Variants in JARID2 observed in about 807,000 individuals in gnomAD.
JARID2 encodes the protein jumonji and AT-rich interaction domain containing 2.
JARID2 carries 21 observed loss-of-function variants against 125.6 expected under a neutral mutation model. The ratio of observed to expected loss-of-function variants is 0.17; its 90% CI spans 0.12 to 0.24. JARID2 has a LOEUF of 0.24. Among genes scored for constraint, JARID2 ranks in the 10% least tolerant of loss-of-function variants. The probability of loss-of-function intolerance (pLI) is 1.00; values close to 1 mark genes in which losing one functional copy is unlikely to be tolerated. For synonymous variants in JARID2, 736 were observed against 661.6 expected (o/e 1.11, Z -1.73); for missense variants, 1,303 against 1,639.6 (o/e 0.79, Z 3.55).
intron 8 of JARID2, among the ~76,000 whole-genome samples, chr6:15,503,641 T>C (rs891915940): frequency 2.0e-5 from 3 of 152,208 alleles, no homozygotes; most frequent in African/African-American, 7.2e-5. Flanking sequence ...TTTTGTGTGT[T>C]TCATGCACTG....
intron 5 of JARID2, among the ~76,000 whole-genome samples, chr6:15,474,032 T>C (rs565675397): frequency 7.9e-5 from 12 of 152,374 alleles, no homozygotes; most frequent in Non-Finnish European, 1.2e-4. Context: ...GCTGGCTAGC[T>C]GTGCTGCCTT....
intron 1 of JARID2, among the ~76,000 whole-genome samples, chr6:15,257,928 G>GTGTT (rs1438867140): frequency 6.6e-6 from 1 of 152,214 alleles, no homozygotes; most frequent in Non-Finnish European, 1.5e-5. Flanking sequence ...AGAACACAAT[G>GTGTT]TGTTATTAGT....
intron 1 of JARID2, among the ~76,000 whole-genome samples, chr6:15,314,183 G>T (rs2127431316): frequency 1.3e-5 from 2 of 152,312 alleles, no homozygotes; most frequent in South Asian, 2.1e-4. Flanking sequence ...TCTGCAGGTT[G>T]CTGTGGCTCC....
At chr6:15,255,621 T>C (rs1414260577) in intron 1 of JARID2, among the ~76,000 whole-genome samples, 1 of 152,024 alleles carries the variant, frequency 6.6e-6, no homozygotes, top group African/African-American at 2.4e-5. Flanking sequence ...TGGTCTGAAG[T>C]GGTAGTGTAT....
chr6:15,248,759 A>G (rs1181773658), intron 1 of JARID2: 7 of 211,282 alleles, frequency 3.3e-5, no homozygotes, highest in Non-Finnish European at 5.7e-5. Context: ...TCACAAAGGG[A>G]CGGGCTCGGG....
At chr6:15,299,249 T>C (rs1333793155) in intron 1 of JARID2, among the ~76,000 whole-genome samples, 1 of 152,194 alleles carries the variant, frequency 6.6e-6, no homozygotes, top group Non-Finnish European at 1.5e-5. Flanking sequence ...GTGTAGTTTT[T>C]GTCCCTGCTG....
chr6:15,278,633 C>A (rs1760630802), intron 1 of JARID2, among the ~76,000 whole-genome samples: 1 of 151,698 alleles, frequency 6.6e-6, no homozygotes, highest in Non-Finnish European at 1.5e-5. Context: ...AATAGTGTAG[C>A]TGGCTGGTGA....
rs751182007 is a variant in JARID2 at position 15,368,618 on chromosome 6, G to A, written c.46-5499G>A. On this transcript the variant is annotated intron_variant, in intron 1 of 17. Coordinates refer to ENST00000341776, the MANE Select transcript of JARID2 (RefSeq NM_004973.4). ...CCAAAAGAGAAGGGTTTGAGAGACC[G>A]TGTCACGTAAGGAATGATTAAAGGA... 1.4e-5 allele frequency: 6 copies of A among 433,182 alleles called. No individual in the cohort carries two copies. The East Asian group carries it at 3.4e-4, about 25-fold the overall frequency. The allele number at this position is 433,182 out of a possible 1,614,324, so 26.8% of individuals were successfully genotyped here.
At chr6:15,429,842 C>G (rs1027927218) in intron 3 of JARID2, among the ~76,000 whole-genome samples, 13 of 152,140 alleles carry the variant, frequency 8.5e-5, no homozygotes, top group Admixed American at 8.5e-4. Context: ...GGTACAGAAA[C>G]TCCACATCTG....
chr6:15,250,278 A>G (rs539992436), intron 1 of JARID2, among the ~76,000 whole-genome samples: 191 of 145,100 alleles, frequency 1.3e-3, no homozygotes, highest in African/African-American at 4.3e-3. Flanking sequence ...AATTACAAAG[A>G]AAAAAGTAGG....
At chr6:15,333,510 G>T (rs1189938906) in intron 1 of JARID2, among the ~76,000 whole-genome samples, 1 of 152,020 alleles carries the variant, frequency 6.6e-6, no homozygotes, top group African/African-American at 2.4e-5. Flanking sequence ...TCCATGTTCC[G>T]TGAATCAGTA....
At chr6:15,336,744 C>T (rs1457526938) in intron 1 of JARID2, among the ~76,000 whole-genome samples, 1 of 150,612 alleles carries the variant, frequency 6.6e-6, no homozygotes, top group East Asian at 2.0e-4. Flanking sequence ...GAGATGAGGT[C>T]TCACCATGCT....
At chr6:15,390,547 G>A (rs1764960662) in intron 2 of JARID2, among the ~76,000 whole-genome samples, 1 of 152,154 alleles carries the variant, frequency 6.6e-6, no homozygotes, top group Non-Finnish European at 1.5e-5. Flanking sequence ...ATCCCTGCTG[G>A]CCGATTTCTT....
At chr6:15,414,943 T>C (rs1394765209) in intron 3 of JARID2, among the ~76,000 whole-genome samples, 1 of 152,244 alleles carries the variant, frequency 6.6e-6, no homozygotes, top group African/African-American at 2.4e-5. Context: ...CTGGTTTTCC[T>C]ATGCAGAGGA....
chr6:15,283,556 A>T (rs1396728249), intron 1 of JARID2, among the ~76,000 whole-genome samples: 2 of 150,190 alleles, frequency 1.3e-5, no homozygotes, highest in Non-Finnish European at 3.0e-5. Context: ...GTTAGCCAGG[A>T]CGGTCTCGAT....
chr6:15,428,922 A>C lies in JARID2; in HGVS notation c.323+18557A>C, dbSNP rs1272221779. Among the ~76,000 whole-genome samples the C allele has an allele frequency of 2.8e-5, 4 of 140,560 alleles. No homozygotes were observed. In the East Asian group the frequency reaches 6.3e-4, roughly 22 times the overall value. The allele number at this position is 140,560 out of a possible 152,430, so 92.2% of individuals were successfully genotyped here. On this transcript the variant is annotated intron_variant, in intron 3 of 17. Coordinates refer to ENST00000341776, the MANE Select transcript of JARID2 (RefSeq NM_004973.4). ...CTCTGTCTCAAAAAAACAACAAAAA[A>C]AAAACAAACCCCCCCCCCAAAAAAA...
chr6:15,309,271 A>G (rs1416416004), intron 1 of JARID2, among the ~76,000 whole-genome samples: 1 of 152,088 alleles, frequency 6.6e-6, no homozygotes, highest in Non-Finnish European at 1.5e-5. Context: ...TGAAGGTTTC[A>G]GGTGCCTCAT....
In JARID2 at chr6:15,504,564, G is replaced by T. The variant is rs1159188467; in HGVS notation, c.2513G>T (p.Ser838Ile). 1 of 1,614,010 alleles carries T rather than the reference G, an allele frequency of 6.2e-7. No individual in the cohort carries two copies. The highest frequency in any genetic ancestry group is 8.5e-7 in the Non-Finnish European group (1 of 1,179,898). The stretch of plus-strand genomic sequence containing the variant: ...AGGAATATCATGAGCATGTGTTTCA[G>T]CAAGGAGCCTGCCCCAGCCGAAATC... The part of the protein sequence containing the change: ...TARNIMSMCF[S>I]KEPAPAEIEQ... The change falls in exon 9 of 18, where the codon AGC becomes ATC. Residue 838 changes from serine (S) to isoleucine (I), a missense_variant. Around this residue, in one of 11 missense-constraint regions of JARID2, gnomAD observed 29 missense variants for 47.7 expected, o/e 0.61. Coordinates refer to ENST00000341776, the MANE Select transcript of JARID2 (RefSeq NM_004973.4).
chr6:15,335,014 A>C (rs1215311246), intron 1 of JARID2, among the ~76,000 whole-genome samples: 1 of 152,176 alleles, frequency 6.6e-6, no homozygotes, highest in Non-Finnish European at 1.5e-5. Flanking sequence ...TATAAATGGT[A>C]ATTGAAAGTC....
Sources: allele counts gnomAD v4.1 joint callset (sites outside exome capture counted in the v4.1 genomes callset), GRCh38; gene constraint gnomAD v4.1.1; regional missense constraint gnomAD v4.1.1; transcripts MANE v1.5; gene names NCBI Gene and HGNC (gene_info 2026-07-23, HGNC 2026-07-21).